Variants in SLC24A2 observed in about 807,000 individuals in gnomAD.
SLC24A2 encodes the protein solute carrier family 24 member 2, also known as sodium/potassium/calcium exchanger 2.
SLC24A2 carries 36 observed loss-of-function variants against 62.0 expected under a neutral mutation model. The observed-to-expected ratio is 0.58, with a 90% CI of 0.44 to 0.77. SLC24A2 has a LOEUF of 0.77. Among genes scored for constraint, SLC24A2 ranks in the 30% least tolerant of loss-of-function variants. The pLI is 0.00. For synonymous variants in SLC24A2, 358 were observed against 294.0 expected, an observed-to-expected ratio of 1.22 and a Z score of -2.23; for missense variants, 846 against 817.9, an observed-to-expected ratio of 1.03 and a Z score of -0.42.
At chr9:19,964,377 A>C in the SLC24A2 span, among the ~76,000 whole-genome samples, 6 of 152,084 alleles carry the variant, frequency 3.9e-5, no homozygotes, top group Non-Finnish European at 5.9e-5. Flanking sequence ...AATAATAATA[A>C]TAATAATAAA....
At chr9:19,708,783 G>C (rs1397654032) in intron 2 of SLC24A2, among the ~76,000 whole-genome samples, 1 of 152,148 alleles carries the variant, frequency 6.6e-6, no homozygotes, top group Admixed American at 6.5e-5. Flanking sequence ...TTACATGTTA[G>C]ACCTAAAACC....
chr9:19,950,414 A>G, the SLC24A2 span, among the ~76,000 whole-genome samples: 3 of 152,166 alleles, frequency 2.0e-5, no homozygotes, highest in Non-Finnish European at 2.9e-5. Flanking sequence ...AGGTTTTTGC[A>G]TAATAGAGAG....
At chr9:19,854,103 T>C in the SLC24A2 span, among the ~76,000 whole-genome samples, 2 of 152,228 alleles carry the variant, frequency 1.3e-5, no homozygotes, top group East Asian at 1.9e-4. Flanking sequence ...GTTTATAGTA[T>C]TCTCTGATGG....
the SLC24A2 span, among the ~76,000 whole-genome samples, chr9:20,233,785 A>G: frequency 6.6e-6 from 1 of 152,110 alleles, no homozygotes; most frequent in Non-Finnish European, 1.5e-5. Flanking sequence ...TTAGCTGGTT[A>G]TTTTGCTAGT....
intron 5 of SLC24A2, among the ~76,000 whole-genome samples, chr9:19,580,432 C>T (rs1836167642): frequency 6.6e-6 from 1 of 152,220 alleles, no homozygotes; most frequent in South Asian, 2.1e-4. Context: ...CTGGATACGC[C>T]TGAGATCATC....
At chr9:19,650,592 G>C (rs984053184) in intron 2 of SLC24A2, among the ~76,000 whole-genome samples, 8 of 152,158 alleles carry the variant, frequency 5.3e-5, no homozygotes, top group African/African-American at 1.7e-4. Context: ...AAGGGAGAGA[G>C]AGCAAAGCTA....
At chr9:19,900,412 T>G in the SLC24A2 span, among the ~76,000 whole-genome samples, 1 of 152,192 alleles carries the variant, frequency 6.6e-6, no homozygotes, top group African/African-American at 2.4e-5. Context: ...TAATTTATAA[T>G]TAATTTCCCC....
At chr9:19,597,080 A>C in intron 5 of SLC24A2, 149 bp downstream of exon 5, 1 of 655,682 alleles carries the variant, frequency 1.5e-6, no homozygotes, top group Admixed American at 2.6e-5. Flanking sequence ...ACACAATGGC[A>C]AAAACTAGAC....
chr9:19,673,893 A>G (rs1819491074), intron 2 of SLC24A2, among the ~76,000 whole-genome samples: 2 of 152,204 alleles, frequency 1.3e-5, no homozygotes. Context: ...GTGAGGTACT[A>G]TTCTATTCAT....
the SLC24A2 span, among the ~76,000 whole-genome samples, chr9:19,994,386 A>C: frequency 4.7e-4 from 71 of 152,328 alleles, 2 homozygotes; most frequent in South Asian, 0.014. Flanking sequence ...TGTGGGCAAG[A>C]GTCCTGACCA....
chr9:19,887,506 A>G, the SLC24A2 span, among the ~76,000 whole-genome samples: 21 of 152,178 alleles, frequency 1.4e-4, no homozygotes, highest in Non-Finnish European at 1.3e-4. Flanking sequence ...ATGCAATACC[A>G]CTTTACTCCT....
intron 8 of SLC24A2, among the ~76,000 whole-genome samples, chr9:19,543,822 C>T (rs1219705822): frequency 6.6e-6 from 1 of 152,092 alleles, no homozygotes; most frequent in Non-Finnish European, 1.5e-5. Context: ...CATTCTTTTG[C>T]ATTTGCTGAG....
intron 8 of SLC24A2, among the ~76,000 whole-genome samples, chr9:19,549,095 ATGT>A (rs1450216379): frequency 1.3e-5 from 2 of 152,112 alleles, no homozygotes; most frequent in Non-Finnish European, 2.9e-5. Context: ...TAATTTGCTG[ATGT>A]TGTTGCGTTC....
the SLC24A2 span, among the ~76,000 whole-genome samples, chr9:20,258,144 C>T: frequency 3.3e-5 from 5 of 152,276 alleles, no homozygotes; most frequent in Admixed American, 6.5e-5. Flanking sequence ...ACATCCGGAA[C>T]GGTGATATGT....
At chr9:19,911,627 C>G in the SLC24A2 span, among the ~76,000 whole-genome samples, 1 of 152,132 alleles carries the variant, frequency 6.6e-6, no homozygotes, top group African/African-American at 2.4e-5. Context: ...ATTCCCTGAG[C>G]TACTGATATG....
intron 4 of SLC24A2, among the ~76,000 whole-genome samples, chr9:19,618,601 A>C (rs1433051993): frequency 2.0e-5 from 3 of 152,166 alleles, no homozygotes; most frequent in Non-Finnish European, 4.4e-5. Context: ...ATTTTTCTTT[A>C]CCTCATATGA....
At chr9:20,220,347 C>T in the SLC24A2 span, among the ~76,000 whole-genome samples, 3,272 of 152,232 alleles carry the variant, frequency 0.021, 132 homozygotes, top group African/African-American at 0.074. Context: ...ATCACCACCT[C>T]GGATGCACCC....
At chr9:20,109,389 T>G in the SLC24A2 span, among the ~76,000 whole-genome samples, 3 of 152,234 alleles carry the variant, frequency 2.0e-5, no homozygotes, top group African/African-American at 7.2e-5. Context: ...TTCAGGAATG[T>G]TTCCACGACC....
chr9:20,306,096 G>T, the SLC24A2 span, among the ~76,000 whole-genome samples: 1 of 152,122 alleles, frequency 6.6e-6, no homozygotes, highest in South Asian at 2.1e-4. Flanking sequence ...GAGGTACTAG[G>T]GGTTAAGACT....
Sources: gnomAD v4.1 joint callset for allele counts (sites outside exome capture counted in the v4.1 genomes callset) on GRCh38, gnomAD v4.1.1 for gene constraint, MANE v1.5 for transcripts, NCBI Gene and HGNC (gene_info 2026-07-23, HGNC 2026-07-21) for gene names.